The following RSRC1 variants were observed in gnomAD, a reference collection of about 807,000 sequenced individuals.
RSRC1 encodes the protein serine/Arginine-related protein 53.
RSRC1 carries 39 observed loss-of-function variants against 49.1 expected under a neutral mutation model. The ratio of observed to expected loss-of-function variants is 0.79; its 90% CI spans 0.61 to 1.04. The LOEUF (loss-of-function observed/expected upper bound fraction) is 1.04, where lower values mean the gene tolerates loss of function less well. Ranked by LOEUF, RSRC1 falls within the 50% of genes least tolerant of loss-of-function variation. The probability of loss-of-function intolerance (pLI) is 0.00; values close to 1 mark genes in which losing one functional copy is unlikely to be tolerated. For synonymous variants in RSRC1, 143 were observed against 130.8 expected (o/e 1.09, Z -0.63); for missense variants, 388 against 402.4 (o/e 0.96, Z 0.31).
chr3:158,210,771 C>G (rs1721629816), intron 4 of RSRC1, among the ~76,000 whole-genome samples: 1 of 151,970 alleles, frequency 6.6e-6, no homozygotes, highest in Non-Finnish European at 1.5e-5. Context: ...CATAATATAA[C>G]AAAAAACATT....
At chr3:158,323,861 G>T (rs1157988737) in intron 5 of RSRC1, among the ~76,000 whole-genome samples, 2 of 151,994 alleles carry the variant, frequency 1.3e-5, no homozygotes, top group African/African-American at 4.8e-5. Flanking sequence ...CCTCTTACTG[G>T]AAATAAGATG....
chr3:158,481,838 T>G (rs1738624655), intron 7 of RSRC1, among the ~76,000 whole-genome samples: 1 of 152,036 alleles, frequency 6.6e-6, no homozygotes, highest in Non-Finnish European at 1.5e-5. Context: ...TTTTTGTCAT[T>G]TAAATGATAA....
At chr3:158,308,565 G>A (rs1344834151) in intron 5 of RSRC1, among the ~76,000 whole-genome samples, 1 of 151,856 alleles carries the variant, frequency 6.6e-6, no homozygotes, top group African/African-American at 2.4e-5. Flanking sequence ...AGAAACCAAA[G>A]TATTCATCCT....
At chr3:158,467,280 T>C (rs1737933562) in intron 7 of RSRC1, among the ~76,000 whole-genome samples, 1 of 152,188 alleles carries the variant, frequency 6.6e-6, no homozygotes, top group South Asian at 2.1e-4. Context: ...TCAAAGAGCT[T>C]ACATTCTAGA....
chr3:158,122,002 C>G (rs1715290170), intron 1 of RSRC1, 101 bp from the exon 2 acceptor site: 1 of 659,104 alleles, frequency 1.5e-6, no homozygotes, highest in African/African-American at 1.9e-5. Flanking sequence ...GAGACCCCAT[C>G]TCTAAAATAA....
chr3:158,325,092 A>G (rs1455508615), intron 5 of RSRC1, among the ~76,000 whole-genome samples: 2 of 152,012 alleles, frequency 1.3e-5, no homozygotes, highest in Non-Finnish European at 2.9e-5. Flanking sequence ...TTTTTCTTGT[A>G]ACTTTGTTTG....
At position 158,477,798 on chromosome 3, in the gene RSRC1, T is replaced by TATATATATATATATA. The variant is rs1738432613; in HGVS notation, c.652+16795_652+16796insATATATATATATATA. Among the ~76,000 whole-genome samples, 62 of 89,766 alleles carry TATATATATATATATA rather than the reference T, an allele frequency of 6.9e-4. 2 individuals are homozygous for TATATATATATATATA. The highest frequency in any genetic ancestry group is 2.8e-3 in the African/African-American group (60 of 21,646). The allele number at this position is 89,766 out of a possible 152,430, so 58.9% of individuals were successfully genotyped here. A position where few individuals can be genotyped will look rare whatever the true frequency, so the allele number is the denominator to read the frequency against. On this transcript the variant is annotated intron_variant, in intron 7 of 9. Transcript: ENST00000611884. The stretch of plus-strand genomic sequence containing the variant: ...TGATGGGATAGGTTGCGGGAGGGAT[T>TATATATATATATATA]TATATATATATATATATATATATAT...
Position 158,140,211 on chromosome 3 carries a change from G to A in RSRC1, c.320+16220G>A, listed in dbSNP as rs1716658231. On this transcript the variant is annotated intron_variant, in intron 3 of 9. Coordinates refer to ENST00000611884, the MANE Select transcript of RSRC1 (RefSeq NM_001271838.2). Reference sequence around the variant, plus strand: ...ACTACCTCTTGCCTTTGGAATCTGTGCATTTTGAGTCAGTTACCTTTCAGC... The same window carrying A: ...ACTACCTCTTGCCTTTGGAATCTGTACATTTTGAGTCAGTTACCTTTCAGC... Among the ~76,000 whole-genome samples the A allele has an allele frequency of 3.3e-5, 5 of 152,126 alleles. 1 individual carries two copies. The highest frequency in any genetic ancestry group is 3.3e-4 in the Admixed American group (5 of 15,270).
At chr3:158,116,976 A>G (rs746226657) in intron 1 of RSRC1, among the ~76,000 whole-genome samples, 3 of 152,130 alleles carry the variant, frequency 2.0e-5, no homozygotes, top group Non-Finnish European at 4.4e-5. Flanking sequence ...GAGTAACTTC[A>G]TGAAAAGGGG....
chr3:158,379,814 G>GCACACACACACACACACACACA (rs140953408), intron 6 of RSRC1, among the ~76,000 whole-genome samples: 9 of 147,010 alleles, frequency 6.1e-5, no homozygotes, highest in African/African-American at 1.3e-4. Context: ...ACACGCGCAT[G>GCACACACACACACACACACACA]CACACACACA....
chr3:158,325,838 A>C, intron 5 of RSRC1, among the ~76,000 whole-genome samples: 1 of 152,230 alleles, frequency 6.6e-6, no homozygotes, highest in Middle Eastern at 3.4e-3. Context: ...CATTTTCACA[A>C]TATTGATTCT....
At chr3:158,436,070 G>C (rs1736026146) in intron 6 of RSRC1, among the ~76,000 whole-genome samples, 19 of 151,776 alleles carry the variant, frequency 1.3e-4, no homozygotes, top group Admixed American at 1.2e-3. Context: ...ACATTCCTCA[G>C]AGTCATCATT....
chr3:158,293,269 T>C (rs945945403), intron 4 of RSRC1, among the ~76,000 whole-genome samples: 1 of 152,080 alleles, frequency 6.6e-6, no homozygotes, highest in African/African-American at 2.4e-5. Context: ...TACCTTCTTT[T>C]CATAATATAT....
chr3:158,119,826 C>T (rs1238205034), intron 1 of RSRC1, among the ~76,000 whole-genome samples: 2 of 135,616 alleles, frequency 1.5e-5, no homozygotes, highest in African/African-American at 5.6e-5. Flanking sequence ...TTTATAATTT[C>T]ATAGTCTTTT....
intron 5 of RSRC1, among the ~76,000 whole-genome samples, chr3:158,331,450 C>T (rs1010575741): frequency 6.6e-6 from 1 of 152,032 alleles, no homozygotes; most frequent in Admixed American, 6.5e-5. Flanking sequence ...AATTTATTGT[C>T]ACTGTTTTGC....
chr3:158,389,041 G>A (rs1197939139), intron 6 of RSRC1, among the ~76,000 whole-genome samples: 1 of 151,616 alleles, frequency 6.6e-6, no homozygotes, highest in African/African-American at 2.4e-5. Flanking sequence ...AAAGTTTATA[G>A]AAAAAAAACA....
intron 7 of RSRC1, among the ~76,000 whole-genome samples, chr3:158,518,095 CGTGTGT>C (rs1263691994): frequency 0.1 from 7,801 of 76,966 alleles, 514 homozygotes; most frequent in Non-Finnish European, 0.11. Flanking sequence ...TAAGTGCGTG[CGTGTGT>C]GTGTGTGTGT....
intron 3 of RSRC1, among the ~76,000 whole-genome samples, chr3:158,165,451 T>G (rs1301898100): frequency 6.6e-6 from 1 of 152,226 alleles, no homozygotes; most frequent in Middle Eastern, 3.2e-3. Flanking sequence ...CAGGACTCTG[T>G]GTAGTCATTG....
At chr3:158,501,336 G>T (rs1042211863) in intron 7 of RSRC1, among the ~76,000 whole-genome samples, 4 of 152,048 alleles carry the variant, frequency 2.6e-5, no homozygotes, top group Non-Finnish European at 5.9e-5. Context: ...TGTATTCTGG[G>T]GTTGTTGGTT....
Sources: allele counts gnomAD v4.1 joint callset (sites outside exome capture counted in the v4.1 genomes callset), GRCh38; gene constraint gnomAD v4.1.1; transcripts MANE v1.5; gene names NCBI Gene and HGNC (gene_info 2026-07-23, HGNC 2026-07-21).